BCAS3: variants seen among roughly 807,000 people sequenced by gnomAD.
The protein encoded by BCAS3 is BCAS3 microtubule associated cell migration factor, also known as BCAS4/BCAS3 fusion.
A neutral mutation model predicts 116.1 loss-of-function variants in BCAS3; 53 were observed. The observed-to-expected ratio is 0.46, with a 90% CI of 0.37 to 0.57. The LOEUF (loss-of-function observed/expected upper bound fraction) is 0.57, where lower values mean the gene tolerates loss of function less well. BCAS3 is among the 20% of genes least tolerant of loss of function. The pLI, the probability that BCAS3 is intolerant of heterozygous loss-of-function variation, is 0.00. For synonymous variants in BCAS3, 391 were observed against 408.2 expected (o/e 0.96, Z 0.51); for missense variants, 917 against 1,165.4 (o/e 0.79, Z 3.10).
At chr17:61,102,490 A>AT (rs571286381) in intron 22 of BCAS3, among the ~76,000 whole-genome samples, 4 of 152,076 alleles carry the variant, frequency 2.6e-5, no homozygotes, top group African/African-American at 4.8e-5. Context: ...TACAATTTCC[A>AT]TTTTTTTCAG....
In BCAS3 at chr17:61,188,350, T is replaced by G. The variant is rs1363791456; in HGVS notation, c.2425+103786T>G. Among the ~76,000 whole-genome samples, 2 of 152,214 alleles carry G rather than the reference T, an allele frequency of 1.3e-5. No individual in the cohort carries two copies. The highest frequency in any genetic ancestry group is 1.5e-5 in the Non-Finnish European group (1 of 68,034). ...GTAGTTTCATCAGTCATCTTTGAAATGTAAAGAGAGTGCTTGTATAATAAG... is the reference window on the plus strand; with the variant it reads ...GTAGTTTCATCAGTCATCTTTGAAAGGTAAAGAGAGTGCTTGTATAATAAG... On this transcript the variant is annotated intron_variant, in intron 22 of 23. Coordinates refer to ENST00000407086, the MANE Select transcript of BCAS3 (RefSeq NM_017679.5). The surrounding 1 kb of genome is among the most constrained non-coding windows in gnomAD (Gnocchi z 4.0).
chr17:61,290,550 T>C (rs2144700711), intron 22 of BCAS3, among the ~76,000 whole-genome samples: 1 of 152,356 alleles, frequency 6.6e-6, no homozygotes, highest in South Asian at 2.1e-4. Context: ...ATTATAGCTT[T>C]TTAATTTATA....
chr17:60,688,994 T>A (rs1049864226), intron 3 of BCAS3: 5 of 152,174 alleles, frequency 3.3e-5, no homozygotes, highest in African/African-American at 1.2e-4. Context: ...AAAAGTACAG[T>A]AATACTCACA....
At position 61,324,201 on chromosome 17, in the gene BCAS3, G is replaced by A. The variant is rs1273584301; in HGVS notation, c.2426-44126G>A. Among the ~76,000 whole-genome samples the A allele has an allele frequency of 5.9e-5, 9 of 152,208 alleles. No homozygotes were observed. The highest frequency in any genetic ancestry group is 1.9e-4 in the African/African-American group (8 of 41,458). On this transcript the variant is annotated intron_variant, in intron 22 of 23. Coordinates refer to ENST00000407086, the MANE Select transcript of BCAS3 (RefSeq NM_017679.5). This position sits in a 1 kb window ranked among gnomAD's most constrained non-coding sequence, Gnocchi z 4.6. ...TCTGTATCCCCAGTGCCAGACATAT[G>A]CTAAGCACTCGAGAAATGTTTCAAT... is the stretch of plus-strand genomic sequence containing the variant.
At chr17:60,954,429 C>G (rs1374983488) in intron 14 of BCAS3, among the ~76,000 whole-genome samples, 3 of 151,982 alleles carry the variant, frequency 2.0e-5, no homozygotes, top group Non-Finnish European at 4.4e-5. Flanking sequence ...AAAAAAAATT[C>G]CACCATTTTT....
chr17:60,739,407 G>T (rs558584426), intron 5 of BCAS3, among the ~76,000 whole-genome samples: 1 of 152,206 alleles, frequency 6.6e-6, no homozygotes, highest in East Asian at 1.9e-4. Flanking sequence ...ATCACCTGAG[G>T]TCAGGAGATC....
Position 61,367,471 on chromosome 17 carries a change from T to C in BCAS3, c.2426-856T>C, listed in dbSNP as rs1346616744. On this transcript the variant is annotated intron_variant, in intron 22 of 23. Coordinates refer to ENST00000407086, the MANE Select transcript of BCAS3 (RefSeq NM_017679.5). This position sits in a 1 kb window ranked among gnomAD's most constrained non-coding sequence, Gnocchi z 6.2. Reference sequence around the variant, plus strand: ...GCAGAACACCACAGACGTTTTGGAATTGGGGAGCAGCTTTGGCTTAAGGAC... The same window carrying C: ...GCAGAACACCACAGACGTTTTGGAACTGGGGAGCAGCTTTGGCTTAAGGAC... The C allele has an allele frequency of 1.3e-5, 2 of 152,284 alleles. No individual in the cohort carries two copies. The highest frequency in any genetic ancestry group is 2.9e-5 in the Non-Finnish European group (2 of 68,048). The allele number at this position is 152,284 out of a possible 1,614,324, so 9.4% of individuals were successfully genotyped here.
chr17:61,237,310 CCCAATCAGTGCTCTGTAAAATGCA>C (rs1354408765), intron 22 of BCAS3, among the ~76,000 whole-genome samples: 1 of 152,034 alleles, frequency 6.6e-6, no homozygotes, highest in Non-Finnish European at 1.5e-5. Flanking sequence ...TGTAAAATGC[CCCAATCAGTGCTCTGTAAAATGCA>C]CCAATCAGGA....
chr17:61,024,546 GTC>G (rs1236438830), intron 16 of BCAS3, among the ~76,000 whole-genome samples: 3 of 152,004 alleles, frequency 2.0e-5, no homozygotes, highest in Admixed American at 1.3e-4. Context: ...AAACTACAGT[GTC>G]TGAGTTTTAC....
rs1407999945 is a variant in BCAS3 at position 60,821,785 on chromosome 17, A to G, written c.476+13709A>G. On this transcript the variant is annotated intron_variant, in intron 7 of 23. Transcript: ENST00000407086. ...ACTGCAACCTCTGCCTCCTGGGCCC[A>G]AACGATCCTCCCACTGGGGAGCTGG... 5.3e-5 allele frequency: 8 copies of G among 152,040 alleles called. No individual in the cohort carries two copies. The East Asian group carries it at 1.2e-3, about 22-fold the overall frequency. 9.4% of individuals were successfully genotyped at this position (152,040 alleles called of 1,614,324 possible).
Position 61,376,267 on chromosome 17 carries a change from C to G in BCAS3, c.2593+7773C>G, listed in dbSNP as rs1005825860. 2.6e-5 allele frequency among the ~76,000 whole-genome samples: 4 copies of G among 152,154 alleles called. No homozygotes were observed. Among genetic ancestry groups the G allele is most frequent in the African/African-American group, 7.2e-5 (3 of 41,432 alleles). On this transcript the variant is annotated intron_variant, in intron 23 of 23. Coordinates refer to ENST00000407086, the MANE Select transcript of BCAS3 (RefSeq NM_017679.5). The surrounding 1 kb of genome is among the most constrained non-coding windows in gnomAD (Gnocchi z 4.5). Reference sequence around the variant, plus strand: ...GCCTCCTTTATGGGTCCTGGGTTAGCCACACTGTTCCTGTCCTAAGCAAAC... The same window carrying G: ...GCCTCCTTTATGGGTCCTGGGTTAGGCACACTGTTCCTGTCCTAAGCAAAC...
chr17:60,894,324 A>T (rs1239499233), intron 10 of BCAS3, among the ~76,000 whole-genome samples: 1 of 151,718 alleles, frequency 6.6e-6, no homozygotes, highest in Non-Finnish European at 1.5e-5. Flanking sequence ...TTATATATAT[A>T]TTTTCGTAAC....
chr17:60,711,521 G>T (rs1385207913), intron 5 of BCAS3, among the ~76,000 whole-genome samples: 1 of 151,962 alleles, frequency 6.6e-6, no homozygotes, highest in Non-Finnish European at 1.5e-5. Context: ...TGTGATTAGG[G>T]GTGTTGACTG....
At position 61,259,527 on chromosome 17, in the gene BCAS3, G is replaced by C. The variant is rs2049030804; in HGVS notation, c.2426-108800G>C. Among the ~76,000 whole-genome samples the C allele has an allele frequency of 6.6e-6, 1 of 152,160 alleles. No individual in the cohort carries two copies. Among genetic ancestry groups the C allele is most frequent in the African/African-American group, 2.4e-5 (1 of 41,428 alleles). On this transcript the variant is annotated intron_variant, in intron 22 of 23. Coordinates refer to ENST00000407086, the MANE Select transcript of BCAS3 (RefSeq NM_017679.5). This position sits in a 1 kb window ranked among gnomAD's most constrained non-coding sequence, Gnocchi z 4.7. The stretch of plus-strand genomic sequence containing the variant: ...GTCGTGGTCTCTTCTTAGGTTACTG[G>C]CTGGTATGTGAACTGCTACTCCAGA...
chr17:60,679,433 T>C lies in BCAS3; in HGVS notation c.-5-20T>C. ...TCCATGTTTTTCTGTTTTTTGTTTG[T>C]TTGTTTGTTCTGGAAACAGGTTTTA... is the stretch of plus-strand genomic sequence containing the variant. On this transcript the variant is annotated intron_variant, in intron 1 of 23. Coordinates refer to ENST00000407086, the MANE Select transcript of BCAS3 (RefSeq NM_017679.5). The C allele has an allele frequency of 6.3e-7, 1 of 1,581,080 alleles. No individual in the cohort carries two copies. Among genetic ancestry groups the C allele is most frequent in the African/African-American group, 1.3e-5 (1 of 74,306 alleles).
At position 61,010,485 on chromosome 17, in the gene BCAS3, A is replaced by G. The variant is rs556043477; in HGVS notation, c.1487-5266A>G. The stretch of plus-strand genomic sequence containing the variant: ...AAGAGCACAAGAAGTTGTTTTCATA[A>G]TTCCTTTTTTTTTTTAAATTGCAAA... On this transcript the variant is annotated intron_variant, in intron 15 of 23. Coordinates refer to ENST00000407086, the MANE Select transcript of BCAS3 (RefSeq NM_017679.5). Among the ~76,000 whole-genome samples, 3 of 150,750 alleles carry G rather than the reference A, an allele frequency of 2.0e-5. No individual in the cohort carries two copies. In the South Asian group the frequency reaches 6.2e-4, roughly 31 times the overall value.
At chr17:60,955,463 T>C (rs1254774301) in intron 14 of BCAS3, among the ~76,000 whole-genome samples, 1 of 149,944 alleles carries the variant, frequency 6.7e-6, no homozygotes, top group African/African-American at 2.5e-5. Flanking sequence ...CTCAGCTCAC[T>C]GCAACCTCCC....
chr17:61,234,941 G>A (rs2082917063), intron 22 of BCAS3, among the ~76,000 whole-genome samples: 1 of 152,152 alleles, frequency 6.6e-6, no homozygotes, highest in Non-Finnish European at 1.5e-5. Context: ...AGGGAGGAGT[G>A]CAGTGGCATG....
At chr17:61,238,680 A>G (rs926589857) in intron 22 of BCAS3, among the ~76,000 whole-genome samples, 2 of 152,072 alleles carry the variant, frequency 1.3e-5, no homozygotes, top group African/African-American at 4.8e-5. Context: ...CCATTGGTGT[A>G]TGGCTCTCCA....
Sources: gnomAD v4.1 joint callset for allele counts (sites outside exome capture counted in the v4.1 genomes callset) on GRCh38, gnomAD v4.1.1 for gene constraint, Gnocchi (gnomAD v3.1) non-coding constraint, MANE v1.5 for transcripts, NCBI Gene and HGNC (gene_info 2026-07-23, HGNC 2026-07-21) for gene names.